The following MYO3B variants were observed in gnomAD, a reference collection of about 807,000 sequenced individuals.
MYO3B encodes the protein myosin-IIIb.
Under a neutral mutation model 174.6 loss-of-function variants are expected in MYO3B, and 156 were observed. The ratio of observed to expected loss-of-function variants is 0.89; its 90% CI spans 0.78 to 1.02. MYO3B has a LOEUF of 1.02. Among genes scored for constraint, MYO3B ranks in the 50% least tolerant of loss-of-function variants. The pLI is 0.00. For synonymous variants in MYO3B, 563 were observed against 569.1 expected, an observed-to-expected ratio of 0.99 and a Z score of 0.15; for missense variants, 1,632 against 1,639.4, an observed-to-expected ratio of 1.00 and a Z score of 0.08.
intron 29 of MYO3B, among the ~76,000 whole-genome samples, chr2:170,515,816 A>G (rs947993564): frequency 1.3e-5 from 2 of 152,156 alleles, no homozygotes; most frequent in African/African-American, 4.8e-5. Context: ...CTCCTTTAGT[A>G]TCTCTCACTC....
intron 18 of MYO3B, among the ~76,000 whole-genome samples, chr2:170,402,355 G>A (rs2094482919): frequency 6.6e-6 from 1 of 152,156 alleles, no homozygotes; most frequent in Non-Finnish European, 1.5e-5. Context: ...TAGAATCAAA[G>A]AGACATTTTA....
chr2:170,582,362 G>A (rs1693208046), intron 32 of MYO3B, among the ~76,000 whole-genome samples: 1 of 152,192 alleles, frequency 6.6e-6, no homozygotes, highest in Non-Finnish European at 1.5e-5. Flanking sequence ...TGCGTGGGGT[G>A]GAGTCAAGCT....
chr2:170,601,621 C>A lies in MYO3B; in HGVS notation c.3734-50007C>A, dbSNP rs547192721. 9 of 1,255,504 alleles carry A rather than the reference C, an allele frequency of 7.2e-6. No homozygotes were observed. The South Asian group carries it at 9.7e-5, about 14-fold the overall frequency. The allele number at this position is 1,255,504 out of a possible 1,614,324, so 77.8% of individuals were successfully genotyped here. On this transcript the variant is annotated intron_variant, in intron 32 of 34. Coordinates refer to ENST00000408978, the MANE Select transcript of MYO3B (RefSeq NM_138995.5). ...AGGCTAGAACCAACTTATTCATCATCATCTTCTTCATCTTCCTCCTCATAA... is the reference window on the plus strand; with the variant it reads ...AGGCTAGAACCAACTTATTCATCATAATCTTCTTCATCTTCCTCCTCATAA...
Position 170,521,959 on chromosome 2 carries a change from C to T in MYO3B, c.3575+2419C>T, listed in dbSNP as rs540434796. Among the ~76,000 whole-genome samples, 22 of 152,288 alleles carry T rather than the reference C, an allele frequency of 1.4e-4. No homozygotes were observed. In the South Asian group the frequency reaches 4.4e-3, roughly 30 times the overall value. ...ACTCTGCAGCATTTAGTTCCATGGG[C>T]CATGCGTGCTTTCCTTGAAGAGCCC... On this transcript the variant is annotated intron_variant, in intron 30 of 34. Coordinates refer to ENST00000408978, the MANE Select transcript of MYO3B (RefSeq NM_138995.5).
intron 14 of MYO3B, among the ~76,000 whole-genome samples, chr2:170,391,317 C>T (rs965365366): frequency 1.9e-4 from 29 of 152,076 alleles, no homozygotes; most frequent in African/African-American, 6.0e-4. Flanking sequence ...TTTTGCTTGT[C>T]GTAAAGTGTG....
At chr2:170,561,896 C>T (rs1691732611) in intron 32 of MYO3B, among the ~76,000 whole-genome samples, 1 of 152,000 alleles carries the variant, frequency 6.6e-6, no homozygotes, top group Non-Finnish European at 1.5e-5. Flanking sequence ...AATGCCAAGG[C>T]AGGTTGCTAT....
intron 32 of MYO3B, among the ~76,000 whole-genome samples, chr2:170,606,582 G>A (rs969795620): frequency 2.0e-4 from 30 of 152,188 alleles, no homozygotes; most frequent in African/African-American, 7.0e-4. Context: ...ATGAAGGTAT[G>A]GGTCATGTCT....
At chr2:170,254,402 A>C (rs753351219) in intron 7 of MYO3B, among the ~76,000 whole-genome samples, 1 of 152,058 alleles carries the variant, frequency 6.6e-6, no homozygotes, top group African/African-American at 2.4e-5. Flanking sequence ...CCAACCTGAG[A>C]GAGAGCAGAG....
chr2:170,474,195 G>C (rs896189687), intron 25 of MYO3B, among the ~76,000 whole-genome samples: 16 of 152,130 alleles, frequency 1.1e-4, no homozygotes, highest in African/African-American at 3.9e-4. Context: ...ATGGTCCCTG[G>C]ATGCTCCTAT....
At chr2:170,235,143 G>C (rs2093056408) in intron 6 of MYO3B, among the ~76,000 whole-genome samples, 1 of 152,148 alleles carries the variant, frequency 6.6e-6, no homozygotes, top group South Asian at 2.1e-4. Context: ...ATCAGACATT[G>C]AAGTCTCCCA....
At chr2:170,578,754 C>T (rs1168173906) in intron 32 of MYO3B, among the ~76,000 whole-genome samples, 1 of 152,208 alleles carries the variant, frequency 6.6e-6, no homozygotes. Flanking sequence ...ATATTGTGGT[C>T]TAAGTGAACG....
intron 13 of MYO3B, among the ~76,000 whole-genome samples, chr2:170,386,809 G>A (rs752992669): frequency 1.3e-5 from 2 of 152,162 alleles, no homozygotes; most frequent in Non-Finnish European, 2.9e-5. Flanking sequence ...GAAAAGTTAC[G>A]GGATCTATTT....
chr2:170,416,796 T>C (rs1449890355), intron 22 of MYO3B, among the ~76,000 whole-genome samples: 1 of 146,326 alleles, frequency 6.8e-6, no homozygotes, highest in Non-Finnish European at 1.5e-5. Context: ...GAACACTCTT[T>C]CCCCAGATCT....
intron 32 of MYO3B, among the ~76,000 whole-genome samples, chr2:170,617,856 T>C (rs1169000385): frequency 6.6e-6 from 1 of 152,192 alleles, no homozygotes; most frequent in Non-Finnish European, 1.5e-5. Context: ...AATAACACGG[T>C]TCCTTCTGAG....
intron 32 of MYO3B, among the ~76,000 whole-genome samples, chr2:170,621,563 G>A (rs566840801): frequency 2.7e-5 from 4 of 150,632 alleles, no homozygotes; most frequent in African/African-American, 9.8e-5. Flanking sequence ...AGGCTGGAGT[G>A]CAGTGGTGTG....
At chr2:170,641,010 C>A (rs1697910556) in intron 32 of MYO3B, 1 of 152,102 alleles carries the variant, frequency 6.6e-6, no homozygotes, top group Admixed American at 6.5e-5. Flanking sequence ...TCCCCTACAA[C>A]ATGCTAATTT....
At chr2:170,179,337 T>C (rs1226563659) in intron 1 of MYO3B, among the ~76,000 whole-genome samples, 3 of 152,222 alleles carry the variant, frequency 2.0e-5, no homozygotes, top group Middle Eastern at 3.2e-3. Context: ...AGGCCCTATC[T>C]AGCAGCATCC....
intron 29 of MYO3B, among the ~76,000 whole-genome samples, chr2:170,519,047 C>A (rs1375354284): frequency 6.6e-6 from 1 of 152,192 alleles, no homozygotes; most frequent in Non-Finnish European, 1.5e-5. Context: ...CTTGCCCTAT[C>A]CACATCAGCA....
At chr2:170,519,630 A>G (rs1301958227) in intron 30 of MYO3B, 90 bp downstream of exon 30, 2 of 1,093,290 alleles carry the variant, frequency 1.8e-6, no homozygotes, top group Non-Finnish European at 2.7e-6. Context: ...TGCAACAAGT[A>G]TTTCTACCAC....
Sources: allele counts gnomAD v4.1 joint callset (sites outside exome capture counted in the v4.1 genomes callset), GRCh38; gene constraint gnomAD v4.1.1; transcripts MANE v1.5; gene names NCBI Gene and HGNC (gene_info 2026-07-23, HGNC 2026-07-21).